The following AFF1 variants were observed in gnomAD, a reference collection of about 807,000 sequenced individuals.
AFF1 encodes the protein ALF transcription elongation factor 1, also known as AF4/FMR2 family member 1.
A neutral mutation model predicts 121.7 loss-of-function variants in AFF1; 48 were observed. That is an observed-to-expected ratio of 0.39 (90% CI 0.31 to 0.50). AFF1 has a LOEUF of 0.50. AFF1 is among the 20% of genes least tolerant of loss of function. The probability of loss-of-function intolerance (pLI) is 0.76; values close to 1 mark genes in which losing one functional copy is unlikely to be tolerated. For synonymous variants in AFF1, 613 were observed against 563.0 expected (o/e 1.09, Z -1.26); for missense variants, 1,523 against 1,511.7 (o/e 1.01, Z -0.12).
chr4:87,009,395 G>A (rs1726498675), intron 2 of AFF1, among the ~76,000 whole-genome samples: 1 of 152,182 alleles, frequency 6.6e-6, no homozygotes, highest in African/African-American at 2.4e-5. Flanking sequence ...ACAGTACAAA[G>A]AATGATTCCT....
At chr4:86,995,573 C>T (rs1025448046) in intron 2 of AFF1, among the ~76,000 whole-genome samples, 3 of 152,030 alleles carry the variant, frequency 2.0e-5, no homozygotes, top group Non-Finnish European at 4.4e-5. Flanking sequence ...CTCGGCCTCC[C>T]GAGGTGCCGG....
At chr4:87,039,593 A>G (rs762683703) in intron 2 of AFF1, among the ~76,000 whole-genome samples, 5 of 152,204 alleles carry the variant, frequency 3.3e-5, no homozygotes, top group Non-Finnish European at 5.9e-5. Context: ...GGCACTGGAC[A>G]CTGAAGCCTG....
intron 2 of AFF1, among the ~76,000 whole-genome samples, chr4:87,009,037 G>A (rs1016808892): frequency 2.0e-5 from 3 of 152,134 alleles, no homozygotes; most frequent in South Asian, 2.1e-4. Flanking sequence ...GTAATATAGC[G>A]CAGGGATTTG....
intron 2 of AFF1, among the ~76,000 whole-genome samples, chr4:87,009,137 C>T (rs1016739678): frequency 6.6e-6 from 1 of 152,178 alleles, no homozygotes; most frequent in Non-Finnish European, 1.5e-5. Flanking sequence ...CTGCTGTGTG[C>T]CAGGCACAGC....
At chr4:87,118,429 A>G (rs1727341094) in intron 12 of AFF1, among the ~76,000 whole-genome samples, 1 of 152,262 alleles carries the variant, frequency 6.6e-6, no homozygotes, top group Non-Finnish European at 1.5e-5. Context: ...ACTGAATTTC[A>G]TCAGTCTGAT....
chr4:87,005,604 A>G (rs1441064911), intron 2 of AFF1, among the ~76,000 whole-genome samples: 1 of 152,218 alleles, frequency 6.6e-6, no homozygotes, highest in Non-Finnish European at 1.5e-5. Context: ...ATGAAAAAAA[A>G]GCTAGCTCAG....
At chr4:87,021,829 G>A (rs1461912934) in intron 2 of AFF1, among the ~76,000 whole-genome samples, 5 of 152,196 alleles carry the variant, frequency 3.3e-5, no homozygotes, top group Admixed American at 2.0e-4. Context: ...AAGGGGTTGG[G>A]ATTACTTTAG....
chr4:87,114,596 G>T lies in AFF1; in HGVS notation c.1763G>T (p.Gly588Val). ...PRAPPEAPHP[G>V]KRSCQKSPAQ... Reference sequence around the variant, plus strand: ...GCCCCACCCGAAGCCCCCCACCCCGGAAAGAGGAGCTGTCAGAAGTCTCCG... The same window carrying T: ...GCCCCACCCGAAGCCCCCCACCCCGTAAAGAGGAGCTGTCAGAAGTCTCCG... Residue 588 changes from glycine to valine, a missense_variant, in exon 12 of 21, where the codon GGA (glycine) becomes GTA (valine). By Grantham distance (109) the Gly-to-Val change is moderately radical. Coordinates refer to ENST00000395146, the MANE Select transcript of AFF1 (RefSeq NM_001166693.3). The T allele has an allele frequency of 1.3e-6, 2 of 1,522,528 alleles. No individual in the cohort carries two copies. The allele number at this position is 1,522,528 out of a possible 1,614,324, so 94.3% of individuals were successfully genotyped here.
At chr4:87,058,943 T>C (rs2149646331) in intron 4 of AFF1, among the ~76,000 whole-genome samples, 1 of 152,296 alleles carries the variant, frequency 6.6e-6, no homozygotes, top group Non-Finnish European at 1.5e-5. Flanking sequence ...TTGACATCTC[T>C]GTAGCATTTG....
chr4:87,080,050 A>C (rs188230204), intron 4 of AFF1, among the ~76,000 whole-genome samples: 1 of 152,140 alleles, frequency 6.6e-6, no homozygotes, highest in Non-Finnish European at 1.5e-5. Flanking sequence ...TCATTTTTTT[A>C]AAAATTAAAT....
At chr4:87,051,642 A>AT (rs1016305673) in intron 4 of AFF1, among the ~76,000 whole-genome samples, 5 of 151,314 alleles carry the variant, frequency 3.3e-5, no homozygotes, top group African/African-American at 9.7e-5. Flanking sequence ...TTGTGTATAT[A>AT]TTTTTTTATT....
Position 87,105,673 on chromosome 4 carries a change from C to G in AFF1, c.1329C>G (p.Asp443Glu), listed in dbSNP as rs777320927. Reference sequence around the variant, plus strand: ...AGCTCAGTGACAGTGAGGACAGTGACAGTGAACAAGTAAGTGTTGCACAGC... The same window carrying G: ...AGCTCAGTGACAGTGAGGACAGTGAGAGTGAACAAGTAAGTGTTGCACAGC... ...DLQLSDSEDS[D>E]SEQTPEKPPS... Residue 443 changes from aspartate to glutamate, a missense_variant, in exon 9 of 21, where the codon GAC becomes GAG. Transcript: ENST00000395146. 1.4e-5 allele frequency: 23 copies of G among 1,614,210 alleles called. No homozygotes were observed. The highest frequency in any genetic ancestry group is 1.6e-4 in the Middle Eastern group (1 of 6,062).
chr4:86,941,997 A>G (rs757435323), intron 1 of AFF1, among the ~76,000 whole-genome samples: 6 of 148,430 alleles, frequency 4.0e-5, no homozygotes, highest in Non-Finnish European at 8.9e-5. Context: ...TATCTTCTTT[A>G]TTGAGTAGTT....
chr4:87,084,594 AAATAAAT>A (rs1560609283), intron 5 of AFF1, among the ~76,000 whole-genome samples: 6 of 117,652 alleles, frequency 5.1e-5, no homozygotes, highest in African/African-American at 1.2e-4. Flanking sequence ...ATAAATAAAT[AAATAAAT>A]AAAAAATAAA....
Position 86,965,207 on chromosome 4 carries a change from T to G in AFF1, c.38+16636T>G, listed in dbSNP as rs540986823. On this transcript the variant is annotated intron_variant, in intron 2 of 20. Coordinates refer to ENST00000395146, the MANE Select transcript of AFF1 (RefSeq NM_001166693.3). ...AAAACTACATTTTAAGGCATCTATA[T>G]AAAGTCTTCAGAATTATGTAAACAG... 3.3e-5 allele frequency among the ~76,000 whole-genome samples: 5 copies of G among 152,386 alleles called. No individual in the cohort carries two copies. In the East Asian group the frequency reaches 7.7e-4, roughly 23 times the overall value.
At chr4:87,061,998 G>A (rs543418642) in intron 4 of AFF1, among the ~76,000 whole-genome samples, 1 of 151,960 alleles carries the variant, frequency 6.6e-6, no homozygotes, top group African/African-American at 2.4e-5. Context: ...TCATTCATAC[G>A]GAAAACAAAA....
chr4:87,123,941 C>T (rs1445021937), intron 12 of AFF1, among the ~76,000 whole-genome samples: 2 of 152,170 alleles, frequency 1.3e-5, no homozygotes, highest in Non-Finnish European at 2.9e-5. Context: ...TAGGAAGTTT[C>T]GTTCTAAATG....
intron 2 of AFF1, among the ~76,000 whole-genome samples, chr4:86,968,086 G>A (rs546298401): frequency 5.9e-4 from 90 of 152,300 alleles, no homozygotes; most frequent in Non-Finnish European, 1.0e-4. Context: ...GCCAAGGGAA[G>A]AGCAGGTGGG....
intron 4 of AFF1, among the ~76,000 whole-genome samples, chr4:87,081,930 C>T (rs1723223717): frequency 6.6e-6 from 1 of 152,054 alleles, no homozygotes; most frequent in South Asian, 2.1e-4. Flanking sequence ...AACATTTCGG[C>T]GACATGAAAC....
Sources: gnomAD v4.1 joint callset for allele counts (sites outside exome capture counted in the v4.1 genomes callset) on GRCh38, gnomAD v4.1.1 for gene constraint, MANE v1.5 for transcripts, NCBI Gene and HGNC (gene_info 2026-07-23, HGNC 2026-07-21) for gene names.